CTCF: variants seen among roughly 807,000 people sequenced by gnomAD.
CTCF encodes CCCTC-binding factor.
CTCF carries 7 observed loss-of-function variants against 72.3 expected under a neutral mutation model. The ratio of observed to expected loss-of-function variants is 0.10; its 90% confidence interval spans 0.06 to 0.18. The LOEUF is 0.18. CTCF is among the 10% of genes least tolerant of loss of function. The probability of loss-of-function intolerance (pLI) is 1.00; values close to 1 mark genes in which losing one functional copy is unlikely to be tolerated. For synonymous variants in CTCF, 374 were observed against 315.8 expected, an observed-to-expected ratio of 1.18 and a Z score of -1.95; for missense variants, 516 against 949.1, an observed-to-expected ratio of 0.54 and a Z score of 6.00.
At chr16:67,606,756 GTTTTTTT>G (rs796220502) in intron 2 of CTCF, among the ~76,000 whole-genome samples, 1 of 124,474 alleles carries the variant, frequency 8.0e-6, no homozygotes, top group African/African-American at 3.1e-5. Flanking sequence ...TTTGTTTTGG[GTTTTTTT>G]TTTTTTTTTT....
intron 2 of CTCF, among the ~76,000 whole-genome samples, 158 bp downstream of exon 2, chr16:67,571,422 T>C (rs2051418071): frequency 6.6e-6 from 1 of 152,220 alleles, no homozygotes; most frequent in Non-Finnish European, 1.5e-5. Context: ...GGTTTGAAAC[T>C]CTTTACGATG....
At chr16:67,598,701 A>G (rs1224012761) in intron 2 of CTCF, among the ~76,000 whole-genome samples, 1 of 152,278 alleles carries the variant, frequency 6.6e-6, no homozygotes, top group African/African-American at 2.4e-5. Context: ...GCATGATGCC[A>G]AAGTGAAACT....
rs773765958 is a variant in CTCF at position 67,620,687 on chromosome 16, C to T, written c.1087-10C>T. The T allele has an allele frequency of 2.1e-5, 33 of 1,546,432 alleles. No homozygotes were observed. The highest frequency in any genetic ancestry group is 3.5e-5 in the Admixed American group (2 of 57,958). ...ACAGAAGTTAAAGTTCGGTTGTTTTCGTATTTCAGGTCAGCAAATTAAAAC... is the reference window on the plus strand; with the variant it reads ...ACAGAAGTTAAAGTTCGGTTGTTTTTGTATTTCAGGTCAGCAAATTAAAAC... On this transcript the variant is annotated splice_polypyrimidine_tract_variant and intron_variant, in intron 5 of 11. Coordinates refer to ENST00000264010, the MANE Select transcript of CTCF (RefSeq NM_006565.4).
Position 67,611,222 on chromosome 16 carries a change from A to G in CTCF, c.390A>G (p.Ser130=), listed in dbSNP as rs756840886. ...TGACTGTACCTGTTGCTACCACTTC[A>G]GTAGAAGAACTTCAGGGGGCTTATG... ...VPVTVPVATT[S]VEELQGAYEN... Residue 130 remains serine, a synonymous_variant, in exon 3 of 12, where the codon TCA becomes TCG. Transcript: ENST00000264010. 2.5e-6 allele frequency: 4 copies of G among 1,614,206 alleles called. No individual in the cohort carries two copies. The highest frequency in any genetic ancestry group is 1.7e-6 in the Non-Finnish European group (2 of 1,180,048).
intron 5 of CTCF, 117 bp downstream of exon 5, chr16:67,616,995 T>A (rs2052139840): frequency 4.0e-6 from 4 of 1,008,524 alleles, no homozygotes; most frequent in Non-Finnish European, 6.1e-6. Flanking sequence ...GTTAGTAAAT[T>A]ATTAACACTC....
intron 2 of CTCF, among the ~76,000 whole-genome samples, chr16:67,598,870 A>G (rs895837787): frequency 6.6e-6 from 1 of 152,240 alleles, no homozygotes. Context: ...TGGATTTACC[A>G]ATTAAAGGCC....
chr16:67,601,294 C>A, intron 2 of CTCF, among the ~76,000 whole-genome samples: 1 of 98,692 alleles, frequency 1.0e-5, no homozygotes, highest in Non-Finnish European at 2.0e-5. Context: ...ACTCTGTCAC[C>A]GTGTGTGTGT....
At chr16:67,624,066 T>TTCA (rs2052241481) in intron 7 of CTCF, among the ~76,000 whole-genome samples, 3 of 106,856 alleles carry the variant, frequency 2.8e-5, no homozygotes, top group Non-Finnish European at 1.9e-5. Context: ...AAAAAAAAAT[T>TTCA]ATATATGTGT....
rs115533439 is a variant in CTCF, at chr16:67,625,073, C to G, written c.1358-1482C>G. Among the ~76,000 whole-genome samples, 778 of 152,192 alleles carry G rather than the reference C, an allele frequency of 5.1e-3. 7 individuals are homozygous for G. Among genetic ancestry groups the G allele is most frequent in the African/African-American group, 0.018 (751 of 41,504 alleles). On this transcript the variant is annotated intron_variant, in intron 7 of 11. Transcript: ENST00000264010. ...CCGAGTAGCTGGGACCACAGGTGTA[C>G]GCCACCATGCCTAGCTAATTTTTGT...
intron 8 of CTCF, 110 bp from the exon 9 acceptor site, chr16:67,628,260 C>G: frequency 1.1e-6 from 1 of 935,156 alleles, no homozygotes; most frequent in South Asian, 1.6e-5. Context: ...CGTGTGGAGT[C>G]TAGACCTAGC....
chr16:67,569,673 CT>C (rs1250207709), intron 1 of CTCF, among the ~76,000 whole-genome samples: 1 of 151,580 alleles, frequency 6.6e-6, no homozygotes, highest in Non-Finnish European at 1.5e-5. Flanking sequence ...GTAAAAGCTC[CT>C]TTTGCCAGTT....
At chr16:67,619,672 C>T (rs376013183) in intron 5 of CTCF, among the ~76,000 whole-genome samples, 5 of 152,126 alleles carry the variant, frequency 3.3e-5, no homozygotes, top group East Asian at 3.9e-4. Context: ...CCTTAAACTC[C>T]TGAGCTCAGG....
chr16:67,611,110 C>A lies in CTCF; in HGVS notation c.278C>A (p.Thr93Asn). The A allele has an allele frequency of 6.2e-7, 1 of 1,614,132 alleles. No homozygotes were observed. Among genetic ancestry groups the A allele is most frequent in the Non-Finnish European group, 8.5e-7 (1 of 1,180,034 alleles). The change falls in exon 3 of 12, where the codon ACC becomes AAC. Residue 93 changes from threonine to asparagine, a missense_variant. Transcript: ENST00000264010. ...GAAGCAGAGGCTGCTGTGGACGATA[C>A]CCAGATTATAACTTTACAGGTTGTA... ...APEAEAAVDD[T>N]QIITLQVVNM... is the part of the protein sequence containing the mutation.
At chr16:67,630,800 C>G (rs920960628) in intron 10 of CTCF, among the ~76,000 whole-genome samples, 3 of 152,040 alleles carry the variant, frequency 2.0e-5, no homozygotes, top group Non-Finnish European at 4.4e-5. Flanking sequence ...GGTGGAGGAA[C>G]AAGAGTCTTG....
chr16:67,611,366 A>T lies in CTCF; in HGVS notation c.534A>T (p.Leu178=). The T allele has an allele frequency of 1.2e-6, 2 of 1,614,176 alleles. No homozygotes were observed. Among genetic ancestry groups the T allele is most frequent in the Non-Finnish European group, 1.7e-6 (2 of 1,180,022 alleles). Residue 178 remains leucine (L), a synonymous_variant, in exon 3 of 12, where the codon CTA becomes CTT. Transcript: ENST00000264010. The part of the protein sequence containing the change: ...KVGANGEVET[L]EQGELPPQED... Reference sequence around the variant, plus strand: ...GGGCCAATGGAGAGGTGGAGACACTAGAACAAGGGGAACTTCCACCCCAGG... The same window carrying T: ...GGGCCAATGGAGAGGTGGAGACACTTGAACAAGGGGAACTTCCACCCCAGG...
chr16:67,597,184 A>G (rs138536272), intron 2 of CTCF, among the ~76,000 whole-genome samples: 5 of 152,072 alleles, frequency 3.3e-5, no homozygotes, highest in African/African-American at 1.2e-4. Context: ...CCAGGCGCAC[A>G]CCACCATGCC....
chr16:67,626,029 C>T (rs2052281414), intron 7 of CTCF, among the ~76,000 whole-genome samples: 1 of 152,200 alleles, frequency 6.6e-6, no homozygotes, highest in Non-Finnish European at 1.5e-5. Flanking sequence ...TCACCCTTGT[C>T]CCAGCCACCA....
At chr16:67,578,148 A>G (rs1353751664) in intron 2 of CTCF, among the ~76,000 whole-genome samples, 1 of 152,124 alleles carries the variant, frequency 6.6e-6, no homozygotes, top group Non-Finnish European at 1.5e-5. Context: ...CACCACATTT[A>G]ATGTAAGAAC....
rs530135468 is a variant in CTCF, at chr16:67,610,057, C to T, written c.-9-767C>T. Among the ~76,000 whole-genome samples, 6 of 152,238 alleles carry T rather than the reference C, an allele frequency of 3.9e-5. No individual in the cohort carries two copies. The East Asian group carries it at 1.2e-3, about 29-fold the overall frequency. The stretch of plus-strand genomic sequence containing the variant: ...TAGTGACAACCAAAAATGTGTTAGC[C>T]AAATGTTCCTAGAGGCAAAGTCACC... On this transcript the variant is annotated intron_variant, in intron 2 of 11. Transcript: ENST00000264010.
Sources: allele counts gnomAD v4.1 joint callset (sites outside exome capture counted in the v4.1 genomes callset), GRCh38; gene constraint gnomAD v4.1.1; transcripts MANE v1.5; gene names NCBI Gene and HGNC (gene_info 2026-07-23, HGNC 2026-07-21).